The following BRCC3 variants were observed in gnomAD, a reference collection of about 807,000 sequenced individuals.
BRCC3 encodes lys-63-specific deubiquitinase BRCC36.
Under a neutral mutation model 28.0 loss-of-function variants are expected in BRCC3, and 15 were observed. That is an observed-to-expected ratio of 0.54 (90% confidence interval 0.36 to 0.82). The LOEUF is 0.82. Among genes scored for constraint, BRCC3 ranks in the 40% least tolerant of loss-of-function variants. The probability of loss-of-function intolerance (pLI) is 0.01; values close to 1 mark genes in which losing one functional copy is unlikely to be tolerated. For synonymous variants in BRCC3, 66 were observed against 80.3 expected (o/e 0.82, Z 0.95); for missense variants, 109 against 225.9 (o/e 0.48, Z 3.32).
intron 5 of BRCC3, among the ~76,000 whole-genome samples, chrX:155,079,492 A>G (rs1461084393): frequency 1.8e-5 from 2 of 111,717 alleles, no homozygotes; most frequent in African/African-American, 6.5e-5. Context: ...ACAGTCCCAG[A>G]CTTTAATGAA....
chrX:155,072,417 C>A, intron 2 of BRCC3, 74 bp downstream of exon 2: 1 of 830,166 alleles, frequency 1.2e-6, no homozygotes, highest in Non-Finnish European at 1.8e-6. Context: ...GCGACTTTGG[C>A]AGTATTGTGT....
At chrX:155,099,503 G>C in intron 7 of BRCC3, 1 of 1,043,137 alleles carries the variant, frequency 9.6e-7, no homozygotes, top group Admixed American at 2.8e-5. Flanking sequence ...ACTCAGTCAA[G>C]TGGCCATACC....
At chrX:155,105,440 G>A (rs1261791809) in intron 7 of BRCC3, among the ~76,000 whole-genome samples, 1 of 111,666 alleles carries the variant, frequency 9.0e-6, no homozygotes, top group Non-Finnish European at 1.9e-5. Flanking sequence ...CCGAGATTGT[G>A]CCACTGCCCT....
In BRCC3 at chrX:155,113,119, C is replaced by CT. The variant is rs35621321; in HGVS notation, c.549-2911dup. 4.2e-3 allele frequency among the ~76,000 whole-genome samples: 131 copies of CT among 30,832 alleles called. 12 individuals are homozygous for CT. Among genetic ancestry groups the CT allele is most frequent in the African/African-American group, 4.6e-3 (31 of 6,746 alleles). The allele number at this position is 30,832 out of a possible 115,157, so 26.8% of individuals were successfully genotyped here. On this transcript the variant is annotated intron_variant, in intron 7 of 10. Transcript: ENST00000330045. ...TGTAAACATCCCAATGGCTTGCTTG[C>CT]TTTTTTTTTTTTTTTTTTTTTTTTT...
rs782192619 is a variant in BRCC3 at position 155,104,071 on chromosome X, G to A, written c.549-11986G>A. On this transcript the variant is annotated intron_variant, in intron 7 of 10. Coordinates refer to ENST00000330045, the MANE Select transcript of BRCC3 (RefSeq NM_001018055.3). ...ATTTTTTCTTTTCTATACTTAACAT[G>A]TTTAATCTTCTAGCTTCTTGAACAT... is the stretch of plus-strand genomic sequence containing the variant. Among the ~76,000 whole-genome samples the A allele has an allele frequency of 3.6e-5, 4 of 111,250 alleles. No individual in the cohort carries two copies. In the Admixed American group the frequency reaches 3.8e-4, roughly 11 times the overall value.
chrX:155,099,091 C>A (rs1446361812), intron 7 of BRCC3, among the ~76,000 whole-genome samples: 1 of 108,640 alleles, frequency 9.2e-6, no homozygotes, highest in African/African-American at 3.4e-5. Flanking sequence ...GCCTTGAATT[C>A]TTTCTCTCTA....
chrX:155,107,110 C>A (rs1363493702), intron 7 of BRCC3, among the ~76,000 whole-genome samples: 1 of 110,648 alleles, frequency 9.0e-6, no homozygotes, highest in Non-Finnish European at 1.9e-5. Context: ...CTATTCCCAA[C>A]CTTACTACTT....
Position 155,075,330 on chromosome X carries a change from CA to C in BRCC3, c.196-1839del, listed in dbSNP as rs1569560434. On this transcript the variant is annotated intron_variant, in intron 3 of 10. Transcript: ENST00000330045. Reference sequence around the variant, plus strand: ...TGTTCTTCCCCACACTAAATGTGGCCACTCCCCTTGATTCAGGCCAAGACCT... The same window carrying C: ...TGTTCTTCCCCACACTAAATGTGGCCCTCCCCTTGATTCAGGCCAAGACCT... Among the ~76,000 whole-genome samples, 204 of 111,210 alleles carry C rather than the reference CA, an allele frequency of 1.8e-3. 2 individuals carry two copies. Among genetic ancestry groups the C allele is most frequent in the African/African-American group, 4.8e-3 (145 of 29,954 alleles).
chrX:155,075,571 G>C (rs1352409898), intron 3 of BRCC3, among the ~76,000 whole-genome samples: 2 of 111,104 alleles, frequency 1.8e-5, no homozygotes, highest in African/African-American at 6.5e-5. Flanking sequence ...GTTCTACCTA[G>C]TTTCAACCTT....
chrX:155,104,457 C>T (rs1218388570), intron 7 of BRCC3, among the ~76,000 whole-genome samples: 2 of 112,362 alleles, frequency 1.8e-5, no homozygotes, highest in Non-Finnish European at 3.8e-5. Flanking sequence ...CTTTTTAATA[C>T]TCTGATGCTT....
chrX:155,111,625 C>T (rs1364063784), intron 7 of BRCC3, among the ~76,000 whole-genome samples: 1 of 111,825 alleles, frequency 8.9e-6, no homozygotes, highest in Non-Finnish European at 1.9e-5. Context: ...GATCAAAGAT[C>T]TAAATAGAAG....
intron 7 of BRCC3, among the ~76,000 whole-genome samples, chrX:155,096,174 G>T (rs2074208388): frequency 8.9e-6 from 1 of 112,351 alleles, no homozygotes; most frequent in South Asian, 3.6e-4. Flanking sequence ...GTCACATATT[G>T]TGTGATTTCA....
intron 7 of BRCC3, among the ~76,000 whole-genome samples, chrX:155,114,888 AC>A (rs2074344426): frequency 8.9e-6 from 1 of 112,092 alleles, no homozygotes; most frequent in African/African-American, 3.2e-5. Flanking sequence ...ACTGATTCAT[AC>A]CCATAGATGC....
rs1456198382 is a variant in BRCC3, at chrX:155,116,242, TC to T, written c.680+55del. On this transcript the variant is annotated intron_variant, in intron 8 of 10. Transcript: ENST00000330045. ...ACTTCTCAGGACCTAGTCTCTCTTT[TC>T]TTCTTCTGTCCTTTTCTCTTTAGCA... The T allele has an allele frequency of 2.7e-6, 3 of 1,092,916 alleles. No individual in the cohort carries two copies. The African/African-American group carries it at 5.6e-5, about 20-fold the overall frequency. The allele number at this position is 1,092,916 out of a possible 1,213,427, so 90.1% of individuals were successfully genotyped here.
intron 7 of BRCC3, among the ~76,000 whole-genome samples, chrX:155,103,184 G>A (rs1299256311): frequency 1.8e-5 from 2 of 112,303 alleles, no homozygotes; most frequent in Non-Finnish European, 3.8e-5. Context: ...CATTTTACTT[G>A]TATGTATAAG....
rs1569560401 is a variant in BRCC3 at position 155,075,261 on chromosome X, CAACA to C, written c.195+1831_195+1834del. On this transcript the variant is annotated intron_variant, in intron 3 of 10. Coordinates refer to ENST00000330045, the MANE Select transcript of BRCC3 (RefSeq NM_001018055.3). ...CTCTCAGATTTCACCCTTGTCCCTT[CAACA>C]TCTGATAATGCTAAGCCCACTCTTT... Among the ~76,000 whole-genome samples, 55 of 52,927 alleles carry C rather than the reference CAACA, an allele frequency of 1.0e-3. No individual in the cohort carries two copies. The African/African-American group carries it at 0.022, about 21-fold the overall frequency. The allele number at this position is 52,927 out of a possible 115,157, so 46.0% of individuals were successfully genotyped here.
chrX:155,099,149 G>GA (rs1223962248), intron 7 of BRCC3, among the ~76,000 whole-genome samples: 2 of 101,844 alleles, frequency 2.0e-5, no homozygotes, highest in Non-Finnish European at 4.0e-5. Context: ...GCATATATTA[G>GA]AAAAAAAAAT....
At chrX:155,099,658 G>A (rs888471038) in intron 7 of BRCC3, among the ~76,000 whole-genome samples, 2 of 112,157 alleles carry the variant, frequency 1.8e-5, no homozygotes, top group African/African-American at 6.5e-5. Flanking sequence ...TGCCCGTTAT[G>A]TATTATAGTT....
intron 3 of BRCC3, among the ~76,000 whole-genome samples, chrX:155,073,652 C>A (rs782003015): frequency 8.9e-6 from 1 of 111,797 alleles, no homozygotes; most frequent in African/African-American, 3.3e-5. Flanking sequence ...TCAGTACCAC[C>A]CTCTTGCTGC....
Sources: allele counts gnomAD v4.1 joint callset (sites outside exome capture counted in the v4.1 genomes callset), GRCh38; gene constraint gnomAD v4.1.1; transcripts MANE v1.5; gene names NCBI Gene and HGNC (gene_info 2026-07-23, HGNC 2026-07-21).